Variants in SHANK2 observed in about 807,000 individuals in gnomAD.
The protein encoded by SHANK2 is SH3 and multiple ankyrin repeat domains 2.
Under a neutral mutation model 133.7 loss-of-function variants are expected in SHANK2, and 43 were observed. That is an observed-to-expected ratio of 0.32 (90% CI 0.25 to 0.41). The LOEUF is 0.41. Ranked by LOEUF, SHANK2 falls within the 10% of genes least tolerant of loss-of-function variation. The probability of loss-of-function intolerance (pLI) is 1.00; values close to 1 mark genes in which losing one functional copy is unlikely to be tolerated. For missense variants in SHANK2, 1,994 were observed against 2,235.8 expected (o/e 0.89, Z 2.18); for synonymous variants, 1,017 against 952.8 (o/e 1.07, Z -1.24).
rs982913578 is a variant in SHANK2, at chr11:70,471,736, C to T, written c.*1133G>A. On this transcript the variant is annotated 3_prime_UTR_variant, in exon 26 of 26. Coordinates refer to ENST00000601538, the MANE Select transcript of SHANK2 (RefSeq NM_012309.5). This position sits in a 1 kb window ranked among gnomAD's most constrained non-coding sequence, Gnocchi z 4.1. ...TCTAAGTACCATCTTCCCTGGCCTCCGAGAGCAAAAGGACTGTCTCAGCAG... is the reference window on the plus strand; with the variant it reads ...TCTAAGTACCATCTTCCCTGGCCTCTGAGAGCAAAAGGACTGTCTCAGCAG... The T allele has an allele frequency of 1.8e-5, 4 of 226,056 alleles. No individual in the cohort carries two copies. The highest frequency in any genetic ancestry group is 5.7e-5 in the Admixed American group (1 of 17,448). 14.0% of individuals were successfully genotyped at this position (226,056 alleles called of 1,614,324 possible).
intron 17 of SHANK2, among the ~76,000 whole-genome samples, chr11:70,648,901 G>A (rs1391398182): frequency 3.3e-5 from 5 of 152,160 alleles, no homozygotes; most frequent in Non-Finnish European, 1.5e-5. Flanking sequence ...CTTATCTGAT[G>A]GGGCATGTGC....
chr11:70,907,650 T>C (rs1590819790), intron 10 of SHANK2: 3 of 226,148 alleles, frequency 1.3e-5, no homozygotes, highest in Non-Finnish European at 2.7e-5. Context: ...GCTAGGTGAG[T>C]TTATTTTAGA....
intron 11 of SHANK2, among the ~76,000 whole-genome samples, chr11:70,851,750 C>A (rs1949090456): frequency 6.6e-6 from 1 of 152,148 alleles, no homozygotes; most frequent in South Asian, 2.1e-4. Context: ...GCTAGCAATG[C>A]CAATTTAGAA....
chr11:70,612,236 C>T (rs1565178421), intron 17 of SHANK2, among the ~76,000 whole-genome samples: 1 of 152,160 alleles, frequency 6.6e-6, no homozygotes, highest in Non-Finnish European at 1.5e-5. Flanking sequence ...AGTATGGGAA[C>T]TCACACGTGC....
At chr11:70,877,074 T>C (rs1949578732) in intron 11 of SHANK2, among the ~76,000 whole-genome samples, 1 of 152,178 alleles carries the variant, frequency 6.6e-6, no homozygotes, top group Non-Finnish European at 1.5e-5. Context: ...TTTCCTCCCA[T>C]CTCTTCCTCA....
At chr11:70,948,386 A>G (rs1555085873) in intron 10 of SHANK2, 1 of 456,982 alleles carries the variant, frequency 2.2e-6, no homozygotes, top group South Asian at 1.5e-5. Context: ...CTTACGAGAA[A>G]CTCCATATGT....
intron 17 of SHANK2, among the ~76,000 whole-genome samples, chr11:70,643,353 GGAGATCAA>G (rs1460676248): frequency 6.6e-6 from 1 of 152,078 alleles, no homozygotes; most frequent in Non-Finnish European, 1.5e-5. Context: ...CACGAGGTCA[GGAGATCAA>G]GACCATCCTG....
intron 3 of SHANK2, among the ~76,000 whole-genome samples, chr11:71,146,038 C>T (rs1478048495): frequency 2.6e-5 from 4 of 152,230 alleles, no homozygotes; most frequent in African/African-American, 9.6e-5. Flanking sequence ...GTCTACTCCA[C>T]AGCAAATGGG....
At chr11:70,671,239 A>T (rs1944799376) in intron 15 of SHANK2, among the ~76,000 whole-genome samples, 1 of 152,144 alleles carries the variant, frequency 6.6e-6, no homozygotes, top group Non-Finnish European at 1.5e-5. Flanking sequence ...ACGGGGTGTG[A>T]TCAGCGCTCC....
intron 17 of SHANK2, among the ~76,000 whole-genome samples, chr11:70,525,417 C>G (rs1017329341): frequency 2.0e-5 from 3 of 152,156 alleles, no homozygotes; most frequent in Non-Finnish European, 4.4e-5. Context: ...GACAGCTCAT[C>G]CCGGGTCTGT....
At chr11:70,784,358 T>TG (rs1947597082) in intron 14 of SHANK2, among the ~76,000 whole-genome samples, 5 of 134,862 alleles carry the variant, frequency 3.7e-5, no homozygotes, top group African/African-American at 1.5e-4. Flanking sequence ...TTTTTTTTTT[T>TG]TTTTTTTTTT....
At chr11:71,110,167 G>A (rs1202832840) in intron 5 of SHANK2, 118 bp from the exon 6 acceptor site, 26 of 739,330 alleles carry the variant, frequency 3.5e-5, no homozygotes, top group South Asian at 1.6e-4. Context: ...GGCTGCACAC[G>A]GTGGCTCACG....
intron 2 of SHANK2, among the ~76,000 whole-genome samples, chr11:71,191,951 C>T (rs1953802429): frequency 6.6e-6 from 1 of 152,110 alleles, no homozygotes; most frequent in Non-Finnish European, 1.5e-5. Flanking sequence ...ACCTCCGCCT[C>T]CTGTGTTCAA....
intron 17 of SHANK2, among the ~76,000 whole-genome samples, chr11:70,595,924 A>C (rs782173534): frequency 3.2e-4 from 49 of 152,350 alleles, no homozygotes; most frequent in Non-Finnish European, 6.2e-4. Flanking sequence ...TGTCCTTGTG[A>C]GAGAAAACAG....
chr11:70,861,043 G>T lies in SHANK2; in HGVS notation c.1174+35458C>A, dbSNP rs1169754509. 2.0e-5 allele frequency among the ~76,000 whole-genome samples: 3 copies of T among 152,190 alleles called. No homozygotes were observed. The East Asian group carries it at 5.8e-4, about 29-fold the overall frequency. ...CGGGGAGCAGCGCTGGCCTTTCCGG[G>T]CCCCCTTGTGGGAGGGAAGCATTCC... On this transcript the variant is annotated intron_variant, in intron 11 of 25. Coordinates refer to ENST00000601538, the MANE Select transcript of SHANK2 (RefSeq NM_012309.5).
intron 16 of SHANK2, 37 bp from the exon 17 acceptor site, chr11:70,659,989 A>C (rs782446712): frequency 5.6e-5 from 90 of 1,614,084 alleles, no homozygotes; most frequent in Non-Finnish European, 6.9e-5. Context: ...CAAGCCTGGG[A>C]GATGTCTTCC....
intron 17 of SHANK2, among the ~76,000 whole-genome samples, chr11:70,643,495 C>T (rs1455184220): frequency 6.9e-6 from 1 of 144,590 alleles, no homozygotes; most frequent in Non-Finnish European, 1.5e-5. Flanking sequence ...ACCCAGGAGG[C>T]GGAGCTTGCA....
intron 2 of SHANK2, among the ~76,000 whole-genome samples, chr11:71,190,766 C>T (rs561408457): frequency 4.6e-5 from 7 of 152,324 alleles, no homozygotes; most frequent in African/African-American, 7.2e-5. Context: ...CCCAATCCCA[C>T]GGCTCCACCC....
chr11:70,471,082 T>TAAC lies in SHANK2; in HGVS notation c.*1784_*1786dup. On this transcript the variant is annotated 3_prime_UTR_variant, in exon 26 of 26. Transcript: ENST00000601538. The surrounding 1 kb of genome is among the most constrained non-coding windows in gnomAD (Gnocchi z 4.1). ...TAAATCACAAAAGTTTTTTTTTCTT[T>TAAC]AACTTTCTAGCACTGAAGTGGCACA... 1 of 393,246 alleles carries TAAC rather than the reference T, an allele frequency of 2.5e-6. No individual in the cohort carries two copies. The allele number at this position is 393,246 out of a possible 1,614,324, so 24.4% of individuals were successfully genotyped here. A position where few individuals can be genotyped will look rare whatever the true frequency, so the allele number is the denominator to read the frequency against.
Sources: allele counts gnomAD v4.1 joint callset (sites outside exome capture counted in the v4.1 genomes callset), GRCh38; gene constraint gnomAD v4.1.1; non-coding constraint Gnocchi (gnomAD v3.1); transcripts MANE v1.5; gene names NCBI Gene and HGNC (gene_info 2026-07-23, HGNC 2026-07-21).